The following FER1L6 variants were observed in gnomAD, a reference collection of about 807,000 sequenced individuals.
FER1L6 encodes the protein fer-1-like protein 6.
FER1L6 carries 177 observed loss-of-function variants against 219.2 expected under a neutral mutation model. That is an observed-to-expected ratio of 0.81 (90% CI 0.71 to 0.91). FER1L6 has a LOEUF of 0.91. Ranked by LOEUF, FER1L6 falls within the 40% of genes least tolerant of loss-of-function variation. FER1L6 has a pLI of 0.00. For missense variants in FER1L6, 2,153 were observed against 2,259.9 expected (o/e 0.95, Z 0.96); for synonymous variants, 768 against 824.3 (o/e 0.93, Z 1.17).
intron 1 of FER1L6, among the ~76,000 whole-genome samples, chr8:123,854,080 A>C (rs916948916): frequency 1.8e-4 from 27 of 152,154 alleles, no homozygotes; most frequent in African/African-American, 5.8e-4. Flanking sequence ...TCATCTATAA[A>C]ATGAAAAGAC....
At chr8:124,040,137 T>C in intron 20 of FER1L6, 131 bp downstream of exon 20, 4 of 1,230,942 alleles carry the variant, frequency 3.2e-6, no homozygotes, top group Non-Finnish European at 4.6e-6. Flanking sequence ...TGTTTCAGAC[T>C]GAAAAGCGAA....
intron 39 of FER1L6, among the ~76,000 whole-genome samples, chr8:124,105,549 T>G (rs1245910343): frequency 6.6e-6 from 1 of 152,108 alleles, no homozygotes; most frequent in Non-Finnish European, 1.5e-5. Flanking sequence ...AAAAATGTGC[T>G]GAAATAGGAA....
rs1449185927 is a variant in FER1L6 at position 123,966,153 on chromosome 8, T to C, written c.253-6T>C. 1.2e-6 allele frequency: 2 copies of C among 1,613,880 alleles called. No individual in the cohort carries two copies. Among genetic ancestry groups the C allele is most frequent in the African/African-American group, 2.7e-5 (2 of 74,910 alleles). On this transcript the variant is annotated splice_polypyrimidine_tract_variant and splice_region_variant and intron_variant, in intron 4 of 40. Coordinates refer to ENST00000522917, the MANE Select transcript of FER1L6 (RefSeq NM_001039112.2). The stretch of plus-strand genomic sequence containing the variant: ...GGAATGGTGTCCACACTGCTTTGTG[T>C]TGCAGATTGCCATAACCATCACCGA...
intron 32 of FER1L6, among the ~76,000 whole-genome samples, chr8:124,076,569 T>C (rs1348252415): frequency 6.6e-6 from 1 of 152,240 alleles, no homozygotes; most frequent in East Asian, 1.9e-4. Context: ...CTTTCTTTAC[T>C]GTAATTTTTT....
chr8:123,894,346 T>G (rs562973826), intron 1 of FER1L6, among the ~76,000 whole-genome samples: 2 of 152,320 alleles, frequency 1.3e-5, no homozygotes, highest in African/African-American at 4.8e-5. Flanking sequence ...GATTTGTGAC[T>G]GATTTCCCAT....
At chr8:124,010,786 C>G (rs1379484344) in intron 14 of FER1L6, 72 bp downstream of exon 14, 1 of 1,570,566 alleles carries the variant, frequency 6.4e-7, no homozygotes, top group African/African-American at 1.4e-5. Flanking sequence ...TAAAATCCAC[C>G]TAGTAGAGGA....
chr8:124,048,537 T>A (rs1299592619), intron 21 of FER1L6, among the ~76,000 whole-genome samples: 1 of 152,242 alleles, frequency 6.6e-6, no homozygotes, highest in African/African-American at 2.4e-5. Context: ...TAGAAACATA[T>A]GGCCTACATA....
intron 23 of FER1L6, 102 bp from the exon 24 acceptor site, chr8:124,060,446 G>T (rs770302717): frequency 6.7e-7 from 1 of 1,500,406 alleles, no homozygotes; most frequent in East Asian, 2.3e-5. Context: ...GGAACACAGC[G>T]TGGTTCTCAG....
At chr8:123,911,858 G>A (rs1323559326) in intron 1 of FER1L6, among the ~76,000 whole-genome samples, 1 of 152,148 alleles carries the variant, frequency 6.6e-6, no homozygotes, top group East Asian at 1.9e-4. Context: ...GTGCAAACAG[G>A]CTGTTGGTTT....
At chr8:124,078,516 A>C (rs1304150172) in intron 32 of FER1L6, among the ~76,000 whole-genome samples, 1 of 152,152 alleles carries the variant, frequency 6.6e-6, no homozygotes, top group Admixed American at 6.5e-5. Context: ...CACCTGCAGA[A>C]CTTCATTTAT....
chr8:124,088,486 T>C (rs1293784479), intron 33 of FER1L6, among the ~76,000 whole-genome samples: 2 of 152,086 alleles, frequency 1.3e-5, no homozygotes, highest in Non-Finnish European at 2.9e-5. Flanking sequence ...CTTGGTTCTC[T>C]ACTCCACGAT....
chr8:124,097,170 C>T lies in FER1L6; in HGVS notation c.4696-101C>T, dbSNP rs1822340709. The T allele has an allele frequency of 6.4e-6, 5 of 785,840 alleles. No homozygotes were observed. The Admixed American group carries it at 1.2e-4, about 20-fold the overall frequency. 48.7% of individuals were successfully genotyped at this position (785,840 alleles called of 1,614,324 possible). On this transcript the variant is annotated intron_variant, in intron 35 of 40. Coordinates refer to ENST00000522917, the MANE Select transcript of FER1L6 (RefSeq NM_001039112.2). ...AAAACTACCAAGCTACACTTAACACCTATTTCTACTAAAGGGATCTTATAA... is the reference window on the plus strand; with the variant it reads ...AAAACTACCAAGCTACACTTAACACTTATTTCTACTAAAGGGATCTTATAA...
At position 123,922,254 on chromosome 8, in the gene FER1L6, T is replaced by C. The variant is rs577734036; in HGVS notation, c.-7-33738T>C. Reference sequence around the variant, plus strand: ...TGCAGCTGTGGGAGGCTTTGGGATCTTGGCTGTCCAGCTGACTGCCTGCTG... The same window carrying C: ...TGCAGCTGTGGGAGGCTTTGGGATCCTGGCTGTCCAGCTGACTGCCTGCTG... On this transcript the variant is annotated intron_variant, in intron 1 of 40. Coordinates refer to ENST00000522917, the MANE Select transcript of FER1L6 (RefSeq NM_001039112.2). 3.8e-4 allele frequency among the ~76,000 whole-genome samples: 58 copies of C among 152,352 alleles called. No homozygotes were observed. The South Asian group carries it at 0.011, about 29-fold the overall frequency.
intron 39 of FER1L6, among the ~76,000 whole-genome samples, chr8:124,117,071 T>C (rs1373287689): frequency 6.6e-6 from 1 of 152,188 alleles, no homozygotes; most frequent in Non-Finnish European, 1.5e-5. Flanking sequence ...AACCTTCTAG[T>C]CCAATTTTCT....
At chr8:123,977,955 C>T (rs1478962513) in intron 10 of FER1L6, among the ~76,000 whole-genome samples, 1 of 152,182 alleles carries the variant, frequency 6.6e-6, no homozygotes, top group African/African-American at 2.4e-5. Context: ...TCATCTCTTG[C>T]GGCCCAGTTC....
intron 1 of FER1L6, among the ~76,000 whole-genome samples, chr8:123,890,076 T>C (rs1463780390): frequency 6.6e-6 from 1 of 152,138 alleles, no homozygotes; most frequent in African/African-American, 2.4e-5. Context: ...AGAAAGATTC[T>C]TTTTTAATAT....
chr8:124,006,433 G>A (rs1188550866), intron 13 of FER1L6, among the ~76,000 whole-genome samples: 2 of 152,146 alleles, frequency 1.3e-5, no homozygotes, highest in African/African-American at 4.8e-5. Flanking sequence ...TCTATATAGT[G>A]GCAAGCCAGG....
At position 124,118,631 on chromosome 8, in the gene FER1L6, A is replaced by G. The variant is rs183747672; in HGVS notation, c.5290-213A>G. 3.6e-3 allele frequency among the ~76,000 whole-genome samples: 554 copies of G among 152,346 alleles called. 3 individuals carry two copies. The highest frequency in any genetic ancestry group is 0.013 in the African/African-American group (531 of 41,578). On this transcript the variant is annotated intron_variant, in intron 39 of 40. Coordinates refer to ENST00000522917, the MANE Select transcript of FER1L6 (RefSeq NM_001039112.2). ...CACATGGGACCCTTTCCTTCCACAA[A>G]TCTTGAAATAACATCATTCCTAGGC... is the stretch of plus-strand genomic sequence containing the variant.
chr8:123,886,908 C>A (rs1301752229), intron 1 of FER1L6, among the ~76,000 whole-genome samples: 1 of 151,994 alleles, frequency 6.6e-6, no homozygotes, highest in Non-Finnish European at 1.5e-5. Flanking sequence ...CGAAACTGAC[C>A]CAATAGTCCC....
Sources: gnomAD v4.1 joint callset for allele counts (sites outside exome capture counted in the v4.1 genomes callset) on GRCh38, gnomAD v4.1.1 for gene constraint, MANE v1.5 for transcripts, NCBI Gene and HGNC (gene_info 2026-07-23, HGNC 2026-07-21) for gene names.